TP53BP1: variants seen among roughly 807,000 people sequenced by gnomAD.
TP53BP1 encodes the protein tumor protein p53 binding protein 1, also known as TP53-binding protein 1.
In TP53BP1, 61 loss-of-function variants were observed where a neutral mutation model predicts 200.8. That is an observed-to-expected ratio of 0.30 (90% confidence interval 0.25 to 0.38). TP53BP1 has a LOEUF of 0.38. Among genes scored for constraint, TP53BP1 ranks in the 10% least tolerant of loss-of-function variants. The probability of loss-of-function intolerance (pLI) is 1.00; values close to 1 mark genes in which losing one functional copy is unlikely to be tolerated. For synonymous variants in TP53BP1, 822 were observed against 844.3 expected (o/e 0.97, Z 0.46); for missense variants, 2,144 against 2,371.9 (o/e 0.90, Z 2.00).
chr15:43,474,267 C>T (rs943336532), intron 10 of TP53BP1, among the ~76,000 whole-genome samples: 7 of 152,180 alleles, frequency 4.6e-5, no homozygotes, highest in African/African-American at 9.6e-5. Context: ...TCTCCCTGCA[C>T]GCCTCCCTGC....
chr15:43,469,054 G>A (rs186498751), intron 11 of TP53BP1, among the ~76,000 whole-genome samples: 1 of 152,162 alleles, frequency 6.6e-6, no homozygotes, highest in Non-Finnish European at 1.5e-5. Flanking sequence ...ACTGAAAGGG[G>A]TAAAATAAGT....
chr15:43,490,811 A>G (rs972988716), intron 4 of TP53BP1, among the ~76,000 whole-genome samples: 2 of 152,222 alleles, frequency 1.3e-5, no homozygotes, highest in Non-Finnish European at 2.9e-5. Context: ...TTTCCCGTCT[A>G]TACAATGGAA....
At position 43,470,015 on chromosome 15, in the gene TP53BP1, T is replaced by A. The variant is rs755903556; in HGVS notation, c.1232A>T (p.Gln411Leu). ...VLSEEGGEPF[Q>L]KKLQSGEPVE... Reference sequence around the variant, plus strand: ...TGGTTCACCACTTTGAAGTTTCTTCTGAAAAGGCTCTCCTCCTTCTTCAGA... The same window carrying A: ...TGGTTCACCACTTTGAAGTTTCTTCAGAAAAGGCTCTCCTCCTTCTTCAGA... Residue 411 changes from glutamine (Q) to leucine (L), a missense_variant, in exon 11 of 28, where the codon CAG becomes CTG. By Grantham distance (113) the Gln-to-Leu change is moderately radical. Around this residue, in one of 4 missense-constraint regions of TP53BP1, gnomAD observed 1,700 missense variants for 1,710.3 expected, o/e 0.99. Coordinates refer to ENST00000382044, the MANE Select transcript of TP53BP1 (RefSeq NM_001141980.3). 7 of 1,613,610 alleles carry A rather than the reference T, an allele frequency of 4.3e-6. No homozygotes were observed. In the Admixed American group the frequency reaches 1.0e-4, roughly 23 times the overall value.
chr15:43,469,880 G>A lies in TP53BP1; in HGVS notation c.1367C>T (p.Pro456Leu). 1 of 1,585,428 alleles carries A rather than the reference G, an allele frequency of 6.3e-7. No homozygotes were observed. Among genetic ancestry groups the A allele is most frequent in the Middle Eastern group, 1.7e-4 (1 of 5,898 alleles). Residue 456 changes from proline to leucine, a missense_variant, in exon 11 of 28, where the codon CCA (proline) becomes CTA (leucine). Pro to Leu is a moderately conservative substitution (Grantham distance 98). Coordinates refer to ENST00000382044, the MANE Select transcript of TP53BP1 (RefSeq NM_001141980.3). ...PVFPPGSLPI[P>L]SQPQFSHDIF... ...CACATGAGAAAACTGAGGCTGGGAT[G>A]GGATAGGAAGTGACCCAGGAGGGAA...
intron 21 of TP53BP1, among the ~76,000 whole-genome samples, chr15:43,419,996 T>C (rs2045357538): frequency 2.0e-5 from 3 of 152,222 alleles, no homozygotes; most frequent in Admixed American, 1.3e-4. Flanking sequence ...AAACGTCCCA[T>C]ACTAACACCA....
intron 18 of TP53BP1, among the ~76,000 whole-genome samples, chr15:43,424,983 A>T (rs1260302948): frequency 6.6e-6 from 1 of 152,202 alleles, no homozygotes; most frequent in African/African-American, 2.4e-5. Context: ...GGAGTGGGTT[A>T]GTTATCACCA....
intron 11 of TP53BP1, among the ~76,000 whole-genome samples, chr15:43,459,040 G>A (rs1414416492): frequency 4.6e-5 from 7 of 152,034 alleles, no homozygotes; most frequent in South Asian, 2.1e-4. Context: ...ATTATTATTC[G>A]TAAGATGTGC....
chr15:43,506,005 A>G (rs1291190434), intron 1 of TP53BP1, among the ~76,000 whole-genome samples: 1 of 152,242 alleles, frequency 6.6e-6, no homozygotes, highest in African/African-American at 2.4e-5. Context: ...GGATAAAACC[A>G]TGCAATCCAG....
At chr15:43,470,938 C>G (rs2046709374) in intron 10 of TP53BP1, among the ~76,000 whole-genome samples, 2 of 152,196 alleles carry the variant, frequency 1.3e-5, no homozygotes, top group African/African-American at 2.4e-5. Flanking sequence ...TAGTCTCAAC[C>G]TTACCAGTCT....
chr15:43,507,058 C>A (rs552126624), intron 1 of TP53BP1, among the ~76,000 whole-genome samples: 1 of 152,294 alleles, frequency 6.6e-6, no homozygotes, highest in East Asian at 1.9e-4. Context: ...GAGCCCACTC[C>A]CACTCTGTGG....
At chr15:43,465,228 C>T (rs1327151789) in intron 11 of TP53BP1, among the ~76,000 whole-genome samples, 1 of 151,706 alleles carries the variant, frequency 6.6e-6, no homozygotes, top group Non-Finnish European at 1.5e-5. Context: ...CTCGAAGGGC[C>T]GAGGGTAGAA....
rs565557344 is a variant in TP53BP1, at chr15:43,429,451, T to C, written c.3676-1283A>G. Among the ~76,000 whole-genome samples the C allele has an allele frequency of 6.2e-4, 94 of 152,324 alleles. 2 individuals carry two copies. Among genetic ancestry groups the C allele is most frequent in the Middle Eastern group, 3.4e-3 (1 of 294 alleles). On this transcript the variant is annotated intron_variant, in intron 17 of 27. Transcript: ENST00000382044. ...CTTTTGTCTCTCACCTTATCTCCCC[T>C]ATGGTAGGCTGATTTTACTTTCAGC...
intron 12 of TP53BP1, among the ~76,000 whole-genome samples, chr15:43,452,198 C>T (rs1013704975): frequency 7.9e-5 from 12 of 152,060 alleles, no homozygotes; most frequent in African/African-American, 2.9e-4. Flanking sequence ...TTTTTAAGTA[C>T]AAAATAATAT....
chr15:43,461,975 T>C (rs2046444674), intron 11 of TP53BP1, among the ~76,000 whole-genome samples: 1 of 151,732 alleles, frequency 6.6e-6, no homozygotes, highest in African/African-American at 2.4e-5. Flanking sequence ...GCCATTCTAC[T>C]CTTTTTACAC....
At chr15:43,439,875 A>T (rs896677098) in intron 15 of TP53BP1, among the ~76,000 whole-genome samples, 2 of 152,120 alleles carry the variant, frequency 1.3e-5, no homozygotes, top group Non-Finnish European at 2.9e-5. Context: ...CCTGGCCAAA[A>T]ATTCTGTTAA....
At chr15:43,501,266 A>C (rs2140177080) in intron 1 of TP53BP1, among the ~76,000 whole-genome samples, 1 of 150,700 alleles carries the variant, frequency 6.6e-6, no homozygotes, top group South Asian at 2.1e-4. Flanking sequence ...CAATGGCTTG[A>C]TCATAGCTCA....
chr15:43,473,838 G>A (rs2046785453), intron 10 of TP53BP1, among the ~76,000 whole-genome samples: 1 of 152,254 alleles, frequency 6.6e-6, no homozygotes, highest in Admixed American at 6.5e-5. Flanking sequence ...GGGGCTGCAG[G>A]TGGAGCTGCC....
chr15:43,426,064 C>CAAAAAAAAAAAAAAAAAA (rs34837192), intron 18 of TP53BP1, among the ~76,000 whole-genome samples: 1 of 96,592 alleles, frequency 1.0e-5, no homozygotes, highest in Non-Finnish European at 2.4e-5. Flanking sequence ...GACTCCGTCT[C>CAAAAAAAAAAAAAAAAAA]AAAAAAAAAA....
In TP53BP1 at chr15:43,509,223, G is replaced by A. The variant is rs541235010; in HGVS notation, c.-9+1147C>T. ...GGGGGCAGAGGTACAGCGGAACACC[G>A]TCTCATGTGTCATAGTCATGAGACT... On this transcript the variant is annotated intron_variant, in intron 1 of 27. Transcript: ENST00000263801. 4.6e-4 allele frequency among the ~76,000 whole-genome samples: 53 copies of A among 114,886 alleles called. 1 individual carries two copies. The South Asian group carries it at 0.016, about 34-fold the overall frequency. 75.4% of individuals were successfully genotyped at this position (114,886 alleles called of 152,430 possible). A position where few individuals can be genotyped will look rare whatever the true frequency, so the allele number is the denominator to read the frequency against.
Sources: gnomAD v4.1 joint callset for allele counts (sites outside exome capture counted in the v4.1 genomes callset) on GRCh38, gnomAD v4.1.1 for gene constraint, gnomAD v4.1.1 regional missense constraint, MANE v1.5 for transcripts, NCBI Gene and HGNC (gene_info 2026-07-23, HGNC 2026-07-21) for gene names.